The following CLNK variants were observed in gnomAD, a reference collection of about 807,000 sequenced individuals.
CLNK encodes the protein cytokine dependent hematopoietic cell linker, also known as cytokine-dependent hematopoietic cell linker.
Under a neutral mutation model 68.6 loss-of-function variants are expected in CLNK, and 74 were observed. The ratio of observed to expected loss-of-function variants is 1.08; its 90% CI spans 0.89 to 1.31. The LOEUF is 1.31. Among genes scored for constraint, CLNK ranks in the 50% most tolerant of loss-of-function variants. CLNK has a pLI of 0.00. For synonymous variants in CLNK, 198 were observed against 172.2 expected, an observed-to-expected ratio of 1.15 and a Z score of -1.17; for missense variants, 553 against 515.3, an observed-to-expected ratio of 1.07 and a Z score of -0.71.
chr4:10,680,520 T>G (rs969967874), intron 1 of CLNK, among the ~76,000 whole-genome samples: 2 of 151,860 alleles, frequency 1.3e-5, no homozygotes, highest in African/African-American at 4.8e-5. Context: ...AGTATAATAA[T>G]AATTAAAAAA....
chr4:10,660,128 A>C (rs191381388), intron 2 of CLNK, among the ~76,000 whole-genome samples: 1 of 152,350 alleles, frequency 6.6e-6, no homozygotes, highest in East Asian at 1.9e-4. Context: ...GGTTCTCCAA[A>C]CACTGGTTTA....
intron 2 of CLNK, among the ~76,000 whole-genome samples, chr4:10,628,501 C>T (rs1020981961): frequency 6.6e-6 from 1 of 152,132 alleles, no homozygotes; most frequent in Non-Finnish European, 1.5e-5. Context: ...CCTTTGCTCT[C>T]CAGACTAAGA....
Position 10,530,069 on chromosome 4 carries a change from C to T in CLNK, c.631-1975G>A, listed in dbSNP as rs76408584. 7.2e-3 allele frequency among the ~76,000 whole-genome samples: 1,087 copies of T among 151,920 alleles called. 6 individuals carry two copies. Among genetic ancestry groups the T allele is most frequent in the Non-Finnish European group, 0.012 (832 of 67,964 alleles). ...ACCTTCTCTGCCCCCTCCTTTCATT[C>T]CTTCCTTCCGTATTCTTTTTAGTTA... is the stretch of plus-strand genomic sequence containing the variant. On this transcript the variant is annotated intron_variant, in intron 12 of 18. Coordinates refer to ENST00000226951, the MANE Select transcript of CLNK (RefSeq NM_052964.4).
chr4:10,595,358 C>G (rs1458089761), intron 3 of CLNK, among the ~76,000 whole-genome samples: 2 of 152,148 alleles, frequency 1.3e-5, no homozygotes, highest in Non-Finnish European at 2.9e-5. Context: ...CAAATATCAG[C>G]TGGTGTTTTT....
chr4:10,720,216 A>G, the CLNK span, among the ~76,000 whole-genome samples: 2 of 152,170 alleles, frequency 1.3e-5, no homozygotes, highest in East Asian at 3.8e-4. Flanking sequence ...AAACAAATCA[A>G]AACACAAAAT....
the CLNK span, among the ~76,000 whole-genome samples, chr4:10,707,724 C>A: frequency 2.6e-5 from 4 of 152,182 alleles, no homozygotes; most frequent in Admixed American, 2.0e-4. Context: ...ATTAACAGTT[C>A]TCTGAGGCAC....
intron 1 of CLNK, among the ~76,000 whole-genome samples, chr4:10,673,489 TA>T (rs1304971974): frequency 6.6e-6 from 1 of 152,010 alleles, no homozygotes. Context: ...TATGCAGCCA[TA>T]AAAAAGGATG....
intron 7 of CLNK, among the ~76,000 whole-genome samples, chr4:10,559,763 T>C (rs1467152401): frequency 1.3e-5 from 2 of 152,066 alleles, no homozygotes; most frequent in African/African-American, 4.8e-5. Context: ...GTCAAATAAA[T>C]ATTTACTAGT....
intron 2 of CLNK, among the ~76,000 whole-genome samples, chr4:10,653,600 T>TTA (rs1195132140): frequency 1.3e-5 from 2 of 152,116 alleles, no homozygotes; most frequent in Non-Finnish European, 2.9e-5. Context: ...TAGAACAGGA[T>TTA]GGCTAAAATT....
intron 8 of CLNK, among the ~76,000 whole-genome samples, chr4:10,544,474 C>T (rs554514281): frequency 4.1e-4 from 63 of 152,224 alleles, no homozygotes; most frequent in Middle Eastern, 3.4e-3. Context: ...TATAAATAAA[C>T]GTTCATGGGT....
At chr4:10,665,009 G>C (rs1214786235) in intron 2 of CLNK, among the ~76,000 whole-genome samples, 1 of 152,156 alleles carries the variant, frequency 6.6e-6, no homozygotes, top group Non-Finnish European at 1.5e-5. Context: ...TTTGGGACTA[G>C]GGGAGGAAAA....
In CLNK at chr4:10,603,092, G is replaced by T. The variant is rs536345107; in HGVS notation, c.12-5043C>A. On this transcript the variant is annotated intron_variant, in intron 2 of 18. Transcript: ENST00000226951. ...TGGTGCAGTCTGACTAGCACAGAAA[G>T]AATTGCCATTTCTTCTGTTGTAAAA... Among the ~76,000 whole-genome samples, 104 of 152,304 alleles carry T rather than the reference G, an allele frequency of 6.8e-4. 1 individual carries two copies. In the South Asian group the frequency reaches 0.012, roughly 18 times the overall value.
In CLNK at chr4:10,597,314, G is replaced by T. The variant is rs1721421457; in HGVS notation, c.83+664C>A. Among the ~76,000 whole-genome samples, 3 of 152,202 alleles carry T rather than the reference G, an allele frequency of 2.0e-5. No individual in the cohort carries two copies. In the South Asian group the frequency reaches 6.2e-4, roughly 32 times the overall value. On this transcript the variant is annotated intron_variant, in intron 3 of 18. Transcript: ENST00000226951. ...TGGGAGAGACGGTTCTGCGCATGAG[G>T]ATGTGGCCCAGGTTTAGTCGGCTGG...
the CLNK span, among the ~76,000 whole-genome samples, chr4:10,716,686 C>CTT: frequency 7.5e-6 from 1 of 132,922 alleles, no homozygotes; most frequent in East Asian, 2.3e-4. Flanking sequence ...AGACAGAAAA[C>CTT]TTTTTTTTTT....
chr4:10,493,577 C>T (rs1342297329), intron 18 of CLNK, among the ~76,000 whole-genome samples: 4 of 152,174 alleles, frequency 2.6e-5, no homozygotes, highest in Non-Finnish European at 5.9e-5. Flanking sequence ...CACCTCCTAA[C>T]ACCATCACCT....
At chr4:10,731,095 C>G in the CLNK span, among the ~76,000 whole-genome samples, 2 of 152,200 alleles carry the variant, frequency 1.3e-5, no homozygotes, top group Admixed American at 1.3e-4. Context: ...ATGTTCTCTT[C>G]TAGCTACTTT....
intron 8 of CLNK, among the ~76,000 whole-genome samples, chr4:10,552,898 C>A (rs1013404173): frequency 6.6e-6 from 1 of 152,176 alleles, no homozygotes; most frequent in African/African-American, 2.4e-5. Flanking sequence ...CCCTTCCATA[C>A]AAGCAGCTTT....
At chr4:10,557,011 G>A (rs972540467) in intron 8 of CLNK, among the ~76,000 whole-genome samples, 1 of 151,926 alleles carries the variant, frequency 6.6e-6, no homozygotes, top group Non-Finnish European at 1.5e-5. Flanking sequence ...GGGAGGCGGA[G>A]GTTGCAGTGA....
intron 2 of CLNK, among the ~76,000 whole-genome samples, chr4:10,611,496 G>GAAAAAA (rs10692993): frequency 4.5e-5 from 6 of 134,708 alleles, no homozygotes; most frequent in Non-Finnish European, 6.3e-5. Flanking sequence ...GGCTAAGTCT[G>GAAAAAA]AAAAAAAAAA....
Sources: gnomAD v4.1 joint callset for allele counts (sites outside exome capture counted in the v4.1 genomes callset) on GRCh38, gnomAD v4.1.1 for gene constraint, MANE v1.5 for transcripts, NCBI Gene and HGNC (gene_info 2026-07-23, HGNC 2026-07-21) for gene names.